The following ZNF385B variants were observed in gnomAD, a reference collection of about 807,000 sequenced individuals.
ZNF385B encodes the protein zinc finger protein 533.
A neutral mutation model predicts 39.2 loss-of-function variants in ZNF385B; 23 were observed. That is an observed-to-expected ratio of 0.59 (90% CI 0.42 to 0.83). The LOEUF (loss-of-function observed/expected upper bound fraction) is 0.83. ZNF385B is among the 40% of genes least tolerant of loss of function. ZNF385B has a pLI of 0.00. For missense variants in ZNF385B, 552 were observed against 598.9 expected (o/e 0.92, Z 0.82); for synonymous variants, 205 against 222.6 (o/e 0.92, Z 0.70).
At chr2:179,642,282 C>G (rs1692333367) in intron 3 of ZNF385B, among the ~76,000 whole-genome samples, 1 of 152,082 alleles carries the variant, frequency 6.6e-6, no homozygotes, top group Non-Finnish European at 1.5e-5. Context: ...TTGAAGATCT[C>G]TAGGGCATAA....
intron 6 of ZNF385B, among the ~76,000 whole-genome samples, chr2:179,480,204 A>G (rs1224237128): frequency 1.3e-5 from 2 of 152,216 alleles, no homozygotes; most frequent in African/African-American, 2.4e-5. Flanking sequence ...ATTCAGAAGA[A>G]AAAGACCAAT....
At chr2:179,570,856 T>C (rs1008249709) in intron 3 of ZNF385B, among the ~76,000 whole-genome samples, 1 of 152,210 alleles carries the variant, frequency 6.6e-6, no homozygotes, top group African/African-American at 2.4e-5. Context: ...GATTCTGTGA[T>C]TCAAACGGAT....
At chr2:179,469,595 T>C (rs1486571554) in intron 6 of ZNF385B, among the ~76,000 whole-genome samples, 1 of 152,062 alleles carries the variant, frequency 6.6e-6, no homozygotes, top group Non-Finnish European at 1.5e-5. Context: ...TTTGGGTAAG[T>C]GGTGGGGTAC....
intron 3 of ZNF385B, among the ~76,000 whole-genome samples, chr2:179,732,600 C>T (rs1559140833): frequency 1.3e-5 from 2 of 152,154 alleles, no homozygotes; most frequent in Admixed American, 1.3e-4. Context: ...AAATCACTCC[C>T]ATTTGGGCTC....
At position 179,447,513 on chromosome 2, in the gene ZNF385B, A is replaced by G. The variant is rs139941152; in HGVS notation, c.716-743T>C. 2.3e-3 allele frequency among the ~76,000 whole-genome samples: 345 copies of G among 152,308 alleles called. 3 individuals are homozygous for G. Among genetic ancestry groups the G allele is most frequent in the African/African-American group, 7.5e-3 (310 of 41,576 alleles). Reference sequence around the variant, plus strand: ...AATCCTCAAGGCCCATGTGCAGGCTATGAGAGTTAGAGTGACTTTAACAGA... The same window carrying G: ...AATCCTCAAGGCCCATGTGCAGGCTGTGAGAGTTAGAGTGACTTTAACAGA... On this transcript the variant is annotated intron_variant, in intron 6 of 9. Coordinates refer to ENST00000410066, the MANE Select transcript of ZNF385B (RefSeq NM_152520.6).
intron 3 of ZNF385B, among the ~76,000 whole-genome samples, chr2:179,634,001 C>A (rs1323368503): frequency 6.6e-6 from 1 of 152,082 alleles, no homozygotes; most frequent in Non-Finnish European, 1.5e-5. Context: ...AACTGGCTAG[C>A]CATATGTAGA....
intron 3 of ZNF385B, among the ~76,000 whole-genome samples, chr2:179,608,742 G>A (rs1001210600): frequency 2.0e-5 from 3 of 151,996 alleles, no homozygotes; most frequent in Non-Finnish European, 4.4e-5. Flanking sequence ...AAGCCCCTAA[G>A]TGATGACTCA....
At chr2:179,852,851 T>G (rs911465862) in intron 1 of ZNF385B, among the ~76,000 whole-genome samples, 1 of 152,202 alleles carries the variant, frequency 6.6e-6, no homozygotes, top group African/African-American at 2.4e-5. Context: ...CCAGGTCTTC[T>G]TTCACATGCT....
chr2:179,753,088 T>A (rs1039939007), intron 3 of ZNF385B, among the ~76,000 whole-genome samples: 8 of 152,196 alleles, frequency 5.3e-5, no homozygotes. Context: ...AAGTCTTTAA[T>A]CTATCTTGAA....
chr2:179,714,779 C>T (rs1158852095), intron 3 of ZNF385B, among the ~76,000 whole-genome samples: 1 of 151,574 alleles, frequency 6.6e-6, no homozygotes, highest in Non-Finnish European at 1.5e-5. Context: ...AAACCTATCT[C>T]TACTAAAACT....
Position 179,710,466 on chromosome 2 carries a change from G to A in ZNF385B, c.298+59037C>T, listed in dbSNP as rs141945684. Reference sequence around the variant, plus strand: ...TCTATTTTACATCCTACTCCCCGTCGTACGATTAAAATAATGAATGTTAGT... The same window carrying A: ...TCTATTTTACATCCTACTCCCCGTCATACGATTAAAATAATGAATGTTAGT... On this transcript the variant is annotated intron_variant, in intron 3 of 9. Transcript: ENST00000410066. 1.2e-4 allele frequency among the ~76,000 whole-genome samples: 19 copies of A among 152,220 alleles called. No individual in the cohort carries two copies. In the East Asian group the frequency reaches 2.9e-3, roughly 23 times the overall value.
chr2:179,615,204 G>A (rs930244356), intron 3 of ZNF385B, among the ~76,000 whole-genome samples: 2 of 152,200 alleles, frequency 1.3e-5, no homozygotes, highest in Admixed American at 1.3e-4. Context: ...GCTAGTATAT[G>A]TCACTAAATT....
chr2:179,640,525 T>C (rs559319988), intron 3 of ZNF385B, among the ~76,000 whole-genome samples: 1 of 152,224 alleles, frequency 6.6e-6, no homozygotes, highest in East Asian at 1.9e-4. Flanking sequence ...TAATATTTAA[T>C]AAAGTTATAT....
At chr2:179,445,202 A>G (rs2049349427) in intron 8 of ZNF385B, among the ~76,000 whole-genome samples, 1 of 152,070 alleles carries the variant, frequency 6.6e-6, no homozygotes, top group African/African-American at 2.4e-5. Flanking sequence ...TTTGCCTGGT[A>G]TTACCACTGT....
chr2:179,468,083 G>A (rs1343925290), intron 6 of ZNF385B, among the ~76,000 whole-genome samples: 1 of 152,182 alleles, frequency 6.6e-6, no homozygotes, highest in Non-Finnish European at 1.5e-5. Context: ...AGCATCATAT[G>A]ACAACTACCC....
chr2:179,663,775 G>A (rs111822476), intron 3 of ZNF385B, among the ~76,000 whole-genome samples: 3,387 of 148,366 alleles, frequency 0.023, 133 homozygotes, highest in African/African-American at 0.08. Flanking sequence ...TTTAAAAGCA[G>A]GAACAGAAGA....
intron 1 of ZNF385B, among the ~76,000 whole-genome samples, chr2:179,797,469 C>T (rs1363797463): frequency 1.3e-5 from 2 of 152,150 alleles, no homozygotes; most frequent in Non-Finnish European, 2.9e-5. Flanking sequence ...TAAGCTTCCC[C>T]AATTTTCATC....
At chr2:179,654,734 A>T (rs972214029) in intron 3 of ZNF385B, among the ~76,000 whole-genome samples, 1 of 152,132 alleles carries the variant, frequency 6.6e-6, no homozygotes, top group Non-Finnish European at 1.5e-5. Flanking sequence ...ATCTGCTAAA[A>T]CATTTGCCTC....
chr2:179,576,609 C>T (rs1434565116), intron 3 of ZNF385B, among the ~76,000 whole-genome samples: 1 of 152,174 alleles, frequency 6.6e-6, no homozygotes, highest in Non-Finnish European at 1.5e-5. Flanking sequence ...CTGCATTATA[C>T]TGTGAGCATC....
Sources: gnomAD v4.1 joint callset for allele counts (sites outside exome capture counted in the v4.1 genomes callset) on GRCh38, gnomAD v4.1.1 for gene constraint, MANE v1.5 for transcripts, NCBI Gene and HGNC (gene_info 2026-07-23, HGNC 2026-07-21) for gene names.